ROCK2: variants seen among roughly 807,000 people sequenced by gnomAD.
ROCK2 encodes the protein Rho associated coiled-coil containing protein kinase 2, also known as rho-associated protein kinase 2.
In ROCK2, 61 loss-of-function variants were observed where a neutral mutation model predicts 195.1. The observed-to-expected ratio is 0.31, with a 90% CI of 0.25 to 0.39. The LOEUF is 0.39. Among genes scored for constraint, ROCK2 ranks in the 10% least tolerant of loss-of-function variants. ROCK2 has a pLI of 1.00. For synonymous variants in ROCK2, 504 were observed against 545.5 expected (o/e 0.92, Z 1.06); for missense variants, 1,109 against 1,637.4 (o/e 0.68, Z 5.57).
intron 3 of ROCK2, among the ~76,000 whole-genome samples, chr2:11,284,414 G>A (rs1667116114): frequency 6.6e-6 from 1 of 152,146 alleles, no homozygotes; most frequent in Non-Finnish European, 1.5e-5. Flanking sequence ...AGTATAATGT[G>A]TCAATGTAAG....
chr2:11,341,054 A>C (rs1233093176), intron 1 of ROCK2, among the ~76,000 whole-genome samples: 3 of 147,154 alleles, frequency 2.0e-5, no homozygotes, highest in African/African-American at 4.9e-5. Context: ...CAAACACTAC[A>C]AAAGCATATT....
intron 1 of ROCK2, among the ~76,000 whole-genome samples, chr2:11,331,042 G>GGGA (rs140676493): frequency 0.29 from 36,974 of 129,718 alleles, 6,046 homozygotes; most frequent in East Asian, 0.49. Flanking sequence ...GGGAGGAGGA[G>GGGA]GGAGGAGGAG....
intron 28 of ROCK2, among the ~76,000 whole-genome samples, chr2:11,194,673 G>A (rs555919673): frequency 6.6e-6 from 1 of 151,698 alleles, no homozygotes; most frequent in African/African-American, 2.4e-5. Context: ...TAAATAAGTG[G>A]GTCTTTTTTA....
intron 1 of ROCK2, among the ~76,000 whole-genome samples, chr2:11,319,278 G>A (rs192147585): frequency 4.6e-5 from 7 of 151,842 alleles, no homozygotes; most frequent in Non-Finnish European, 1.0e-4. Context: ...CTTTTATTTC[G>A]TTGAGCAGTG....
At chr2:11,227,987 A>AT (rs1664872765) in intron 5 of ROCK2, among the ~76,000 whole-genome samples, 1 of 152,190 alleles carries the variant, frequency 6.6e-6, no homozygotes, top group Non-Finnish European at 1.5e-5. Flanking sequence ...GCATCAATAT[A>AT]TTTGGCATGA....
At chr2:11,330,631 T>G (rs1195278488) in intron 1 of ROCK2, among the ~76,000 whole-genome samples, 1 of 151,404 alleles carries the variant, frequency 6.6e-6, no homozygotes, top group Non-Finnish European at 1.5e-5. Context: ...TGAGCCGATA[T>G]CTCACCACTG....
At chr2:11,339,880 C>T (rs1669049350) in intron 1 of ROCK2, among the ~76,000 whole-genome samples, 1 of 152,184 alleles carries the variant, frequency 6.6e-6, no homozygotes, top group African/African-American at 2.4e-5. Flanking sequence ...GTAACTTCTA[C>T]AGGCTAGTGT....
At position 11,344,432 on chromosome 2, in the gene ROCK2, C is replaced by T; in HGVS notation, c.-296G>A. On this transcript the variant is annotated 5_prime_UTR_variant, in exon 1 of 33. Transcript: ENST00000315872. The surrounding 1 kb of genome is among the most constrained non-coding windows in gnomAD (Gnocchi z 5.4). ...CCGGTCCGCTGGTCCTCAGCGAGTG[C>T]CCGCAGGAGTCCTCGGGCGGGAGCA... is the stretch of plus-strand genomic sequence containing the variant. 1 of 1,051,578 alleles carries T rather than the reference C, an allele frequency of 9.5e-7. No homozygotes were observed. Among genetic ancestry groups the T allele is most frequent in the Non-Finnish European group, 1.1e-6 (1 of 873,570 alleles). The allele number at this position is 1,051,578 out of a possible 1,614,324, so 65.1% of individuals were successfully genotyped here.
intron 12 of ROCK2, 58 bp downstream of exon 12, chr2:11,217,024 TCTTTTTTC>T (rs1664457896): frequency 1.2e-6 from 1 of 850,732 alleles, no homozygotes; most frequent in East Asian, 2.8e-5. Context: ...ACCTGGCCGC[TCTTTTTTC>T]AGTAAATGTT....
In ROCK2 at chr2:11,249,698, T is replaced by G; in HGVS notation, c.425A>C (p.Asp142Ala). 1 of 1,579,216 alleles carries G rather than the reference T, an allele frequency of 6.3e-7. No homozygotes were observed. Among genetic ancestry groups the G allele is most frequent in the South Asian group, 1.2e-5 (1 of 81,196 alleles). Residue 142 changes from aspartate to alanine, a missense_variant, in exon 4 of 33, where the codon GAT becomes GCT. By Grantham distance (126) the Asp-to-Ala change is moderately radical. This residue lies in a region of ROCK2 where 253 missense variants were observed against 455.5 expected (regional missense o/e 0.56). Transcript: ENST00000315872. ...SDSAFFWEER[D>A]IMAFANSPWV... ...GGGGCTATTGGCAAAGGCCATAATATCTCTTTCTTCCCAAAAAAAGGCAGA... is the reference window on the plus strand; with the variant it reads ...GGGGCTATTGGCAAAGGCCATAATAGCTCTTTCTTCCCAAAAAAAGGCAGA...
At chr2:11,317,348 A>T (rs548964185) in intron 1 of ROCK2, among the ~76,000 whole-genome samples, 15 of 151,788 alleles carry the variant, frequency 9.9e-5, no homozygotes, top group Admixed American at 9.8e-4. Flanking sequence ...AAAGTATGTG[A>T]TTTGGAATCA....
chr2:11,303,651 C>T (rs1667772375), intron 1 of ROCK2, among the ~76,000 whole-genome samples: 2 of 152,262 alleles, frequency 1.3e-5, no homozygotes, highest in South Asian at 4.1e-4. Context: ...CATACAGCTG[C>T]CATTTCAATC....
intron 16 of ROCK2, 38 bp from the exon 17 acceptor site, chr2:11,214,501 C>A (rs773831352): frequency 8.6e-7 from 1 of 1,162,452 alleles, no homozygotes; most frequent in South Asian, 1.3e-5. Flanking sequence ...ATTAAACCCA[C>A]AAAGTATATA....
intron 1 of ROCK2, among the ~76,000 whole-genome samples, chr2:11,290,763 C>A (rs757738154): frequency 6.6e-6 from 1 of 152,092 alleles, no homozygotes; most frequent in East Asian, 1.9e-4. Context: ...GGAGTTAAAA[C>A]CAGACTGATT....
At chr2:11,304,952 G>A (rs973538929) in intron 1 of ROCK2, among the ~76,000 whole-genome samples, 6 of 152,186 alleles carry the variant, frequency 3.9e-5, no homozygotes, top group Non-Finnish European at 7.3e-5. Context: ...TGTAATAACC[G>A]AACTAGGCTC....
chr2:11,228,591 T>C (rs1664892346), intron 5 of ROCK2, among the ~76,000 whole-genome samples: 1 of 152,122 alleles, frequency 6.6e-6, no homozygotes, highest in African/African-American at 2.4e-5. Flanking sequence ...AAAGGCAGGG[T>C]ATACAATTAA....
At chr2:11,317,680 T>C (rs1572401382) in intron 1 of ROCK2, among the ~76,000 whole-genome samples, 1 of 142,354 alleles carries the variant, frequency 7.0e-6, no homozygotes, top group East Asian at 2.1e-4. Flanking sequence ...GCTTGTTACA[T>C]ATGTATACAT....
At chr2:11,315,596 CA>C (rs907232023) in intron 1 of ROCK2, among the ~76,000 whole-genome samples, 1 of 152,026 alleles carries the variant, frequency 6.6e-6, no homozygotes, top group Non-Finnish European at 1.5e-5. Flanking sequence ...CTTCTAAAAA[CA>C]TATCCATAAT....
chr2:11,216,550 G>A (rs1244143890), intron 12 of ROCK2, among the ~76,000 whole-genome samples: 9 of 141,600 alleles, frequency 6.4e-5, no homozygotes, highest in Non-Finnish European at 1.4e-4. Flanking sequence ...TCGCTCTGTC[G>A]CCCAGGCTGG....
Sources: allele counts gnomAD v4.1 joint callset (sites outside exome capture counted in the v4.1 genomes callset), GRCh38; gene constraint gnomAD v4.1.1; regional missense constraint gnomAD v4.1.1; non-coding constraint Gnocchi (gnomAD v3.1); transcripts MANE v1.5; gene names NCBI Gene and HGNC (gene_info 2026-07-23, HGNC 2026-07-21).